IGF1R: variants seen among roughly 807,000 people sequenced by gnomAD.
IGF1R encodes insulin like growth factor 1 receptor, also known as insulin-like growth factor 1 receptor.
IGF1R carries 44 observed loss-of-function variants against 144.6 expected under a neutral mutation model. That is an observed-to-expected ratio of 0.30 (90% confidence interval 0.24 to 0.39). The LOEUF (loss-of-function observed/expected upper bound fraction) is 0.39. IGF1R is among the 10% of genes least tolerant of loss of function. The probability of loss-of-function intolerance (pLI) is 1.00; values close to 1 mark genes in which losing one functional copy is unlikely to be tolerated. For missense variants in IGF1R, 1,355 were observed against 1,833.7 expected, an observed-to-expected ratio of 0.74 and a Z score of 4.77; for synonymous variants, 795 against 722.8, an observed-to-expected ratio of 1.10 and a Z score of -1.60.
chr15:98,825,671 G>A (rs941969891), intron 2 of IGF1R, among the ~76,000 whole-genome samples: 1 of 152,144 alleles, frequency 6.6e-6, no homozygotes, highest in Admixed American at 6.5e-5. Flanking sequence ...CTACGGAACC[G>A]ATCCCTGGTG....
At chr15:98,709,014 ACT>A (rs1270060620) in intron 2 of IGF1R, among the ~76,000 whole-genome samples, 2 of 152,118 alleles carry the variant, frequency 1.3e-5, no homozygotes, top group Non-Finnish European at 2.9e-5. Context: ...TTAAAATGTG[ACT>A]CTGAGCCTTC....
At chr15:98,677,414 G>T (rs959633994) in intron 1 of IGF1R, among the ~76,000 whole-genome samples, 2 of 152,086 alleles carry the variant, frequency 1.3e-5, no homozygotes, top group Non-Finnish European at 2.9e-5. Flanking sequence ...GGATAATTTG[G>T]TCTCCATTTT....
At chr15:98,721,538 C>A (rs28684460) in intron 2 of IGF1R, among the ~76,000 whole-genome samples, 43,264 of 151,892 alleles carry the variant, frequency 0.28, 6,427 homozygotes, top group South Asian at 0.34. Flanking sequence ...GTGGCGATGG[C>A]AGTGGCAGCA....
At chr15:98,713,285 C>G (rs1314168418) in intron 2 of IGF1R, among the ~76,000 whole-genome samples, 2 of 152,190 alleles carry the variant, frequency 1.3e-5, no homozygotes, top group Non-Finnish European at 2.9e-5. Flanking sequence ...AGCACTGCAT[C>G]TGCTTAGTGA....
intron 5 of IGF1R, among the ~76,000 whole-genome samples, chr15:98,907,663 G>T (rs1346610406): frequency 6.6e-6 from 1 of 152,220 alleles, no homozygotes; most frequent in African/African-American, 2.4e-5. Context: ...CCACTGCGGG[G>T]ATCTTTCTCT....
At chr15:98,933,909 A>G (rs998796354) in intron 15 of IGF1R, among the ~76,000 whole-genome samples, 1 of 152,218 alleles carries the variant, frequency 6.6e-6, no homozygotes, top group East Asian at 1.9e-4. Flanking sequence ...GCTGGGGGAC[A>G]CTTGGACTAG....
chr15:98,908,863 G>T lies in IGF1R; in HGVS notation c.1426G>T (p.Asp476Tyr), dbSNP rs1187951162. 6.2e-7 allele frequency: 1 copy of T among 1,614,062 alleles called. No homozygotes were observed. Among genetic ancestry groups the T allele is most frequent in the Non-Finnish European group, 8.5e-7 (1 of 1,179,968 alleles). ...GACTAAAGGGCGCCAAAGCAAAGGG[G>T]ACATAAACACCAGGAACAACGGGGA... ...TGTKGRQSKG[D>Y]INTRNNGERA... The change falls in exon 6 of 21, where the codon GAC becomes TAC. Residue 476 changes from aspartate (D) to tyrosine (Y), a missense_variant. Physicochemically the swap from Asp to Tyr is radical, Grantham distance 160 (BLOSUM62 -3). Coordinates refer to ENST00000650285, the MANE Select transcript of IGF1R (RefSeq NM_000875.5).
At position 98,731,670 on chromosome 15, in the gene IGF1R, T is replaced by G. The variant is rs1439398464; in HGVS notation, c.640+23563T>G. 2.0e-5 allele frequency among the ~76,000 whole-genome samples: 3 copies of G among 152,184 alleles called. No homozygotes were observed. The East Asian group carries it at 5.8e-4, about 29-fold the overall frequency. On this transcript the variant is annotated intron_variant, in intron 2 of 20. Coordinates refer to ENST00000650285, the MANE Select transcript of IGF1R (RefSeq NM_000875.5). Reference sequence around the variant, plus strand: ...GGACACGTGAGAGGACAGTGCACCCTTTGGGCTTGGTGCTGCCCCCTTCAC... The same window carrying G: ...GGACACGTGAGAGGACAGTGCACCCGTTGGGCTTGGTGCTGCCCCCTTCAC...
chr15:98,840,686 T>TG (rs894867417), intron 2 of IGF1R, among the ~76,000 whole-genome samples: 1 of 150,940 alleles, frequency 6.6e-6, no homozygotes, highest in African/African-American at 2.4e-5. Flanking sequence ...TGTTTTTTTT[T>TG]TTTTTTTGAG....
intron 2 of IGF1R, among the ~76,000 whole-genome samples, chr15:98,844,616 T>TTG (rs148102776): frequency 0.039 from 5,821 of 149,512 alleles, 138 homozygotes; most frequent in South Asian, 0.12. Flanking sequence ...TTAACTATAT[T>TTG]TGTGTGTGTG....
intron 2 of IGF1R, among the ~76,000 whole-genome samples, chr15:98,724,339 G>C (rs4965428): frequency 0.51 from 77,285 of 151,970 alleles, 20,856 homozygotes; most frequent in Non-Finnish European, 0.6. Flanking sequence ...GAGGGGAGAG[G>C]TTGTCTCTCT....
rs774037546 is a variant in IGF1R at position 98,913,292 on chromosome 15, C to T, written c.1828+10C>T. The T allele has an allele frequency of 1.3e-6, 2 of 1,596,740 alleles. No homozygotes were observed. Among genetic ancestry groups the T allele is most frequent in the Non-Finnish European group, 1.7e-6 (2 of 1,164,254 alleles). On this transcript the variant is annotated intron_variant, in intron 8 of 20. Coordinates refer to ENST00000650285, the MANE Select transcript of IGF1R (RefSeq NM_000875.5). Reference sequence around the variant, plus strand: ...CGCACCAATGCTTCAGGTATCCATGCCTAGACAAGCCCCCAGCATCCACAC... The same window carrying T: ...CGCACCAATGCTTCAGGTATCCATGTCTAGACAAGCCCCCAGCATCCACAC...
intron 1 of IGF1R, among the ~76,000 whole-genome samples, chr15:98,673,252 G>T (rs908430259): frequency 6.6e-6 from 1 of 152,188 alleles, no homozygotes; most frequent in Non-Finnish European, 1.5e-5. Context: ...GTGACATTGT[G>T]TGTATCATTA....
chr15:98,757,137 C>G (rs1450290789), intron 2 of IGF1R, among the ~76,000 whole-genome samples: 1 of 152,066 alleles, frequency 6.6e-6, no homozygotes, highest in African/African-American at 2.4e-5. Flanking sequence ...TTTCAGTTGT[C>G]AAATTGACAG....
At position 98,913,545 on chromosome 15, in the gene IGF1R, T is replaced by C. The variant is rs189086439; in HGVS notation, c.1828+263T>C. ...CCTCCAGGGTGCTGGGCTGGTTTCA[T>C]TGGAAGGCCCAGCCTGGAAACAGCC... On this transcript the variant is annotated intron_variant, in intron 8 of 20. Coordinates refer to ENST00000650285, the MANE Select transcript of IGF1R (RefSeq NM_000875.5). 2.8e-3 allele frequency among the ~76,000 whole-genome samples: 425 copies of C among 152,322 alleles called. 3 individuals are homozygous for C. Among genetic ancestry groups the C allele is most frequent in the Non-Finnish European group, 5.0e-3 (342 of 68,028 alleles).
At chr15:98,925,918 A>G (rs1361516781) in intron 13 of IGF1R, among the ~76,000 whole-genome samples, 1 of 152,034 alleles carries the variant, frequency 6.6e-6, no homozygotes, top group Non-Finnish European at 1.5e-5. Flanking sequence ...AAAAGGAAAA[A>G]AAACAAAAAA....
chr15:98,817,173 A>G (rs150352551), intron 2 of IGF1R, among the ~76,000 whole-genome samples: 3 of 152,114 alleles, frequency 2.0e-5, no homozygotes, highest in African/African-American at 7.2e-5. Flanking sequence ...GTGGTGGCCC[A>G]TGCTTGTAAT....
chr15:98,773,836 C>T (rs1240284187), intron 2 of IGF1R, among the ~76,000 whole-genome samples: 1 of 152,100 alleles, frequency 6.6e-6, no homozygotes, highest in East Asian at 1.9e-4. Flanking sequence ...CTGACGACAT[C>T]TTGTGATCCG....
chr15:98,928,960 T>A (rs1479904340), intron 13 of IGF1R, among the ~76,000 whole-genome samples: 1 of 152,168 alleles, frequency 6.6e-6, no homozygotes, highest in East Asian at 1.9e-4. Flanking sequence ...TCTCAAAGAT[T>A]GAGGCCAGCA....
Sources: gnomAD v4.1 joint callset for allele counts (sites outside exome capture counted in the v4.1 genomes callset) on GRCh38, gnomAD v4.1.1 for gene constraint, MANE v1.5 for transcripts, NCBI Gene and HGNC (gene_info 2026-07-23, HGNC 2026-07-21) for gene names.